MAST2: variants seen among roughly 807,000 people sequenced by gnomAD.
MAST2 encodes the protein microtubule-associated serine/threonine-protein kinase 2.
MAST2 carries 70 observed loss-of-function variants against 147.4 expected under a neutral mutation model. The observed-to-expected ratio is 0.47, with a 90% CI of 0.39 to 0.58. The LOEUF is 0.58. MAST2 is among the 20% of genes least tolerant of loss of function. MAST2 has a pLI of 0.00. For missense variants in MAST2, 2,080 were observed against 2,302.3 expected (o/e 0.90, Z 1.98); for synonymous variants, 869 against 896.8 (o/e 0.97, Z 0.55).
intron 3 of MAST2, among the ~76,000 whole-genome samples, chr1:45,859,560 G>C (rs1205054226): frequency 6.6e-6 from 1 of 152,236 alleles, no homozygotes; most frequent in Non-Finnish European, 1.5e-5. Context: ...GACACAACAT[G>C]AGAGGGAGAA....
chr1:45,811,067 T>C (rs1003838077), intron 1 of MAST2, among the ~76,000 whole-genome samples: 1 of 151,550 alleles, frequency 6.6e-6, no homozygotes, highest in Non-Finnish European at 1.5e-5. Flanking sequence ...GTCAGGCTGG[T>C]CTCAAACTCC....
chr1:46,004,433 A>C (rs1645402720), intron 7 of MAST2, among the ~76,000 whole-genome samples: 1 of 151,878 alleles, frequency 6.6e-6, no homozygotes, highest in African/African-American at 2.4e-5. Flanking sequence ...TTTAGAACCA[A>C]GGTAAGTCTC....
At chr1:45,897,997 T>G (rs1462814745) in intron 4 of MAST2, among the ~76,000 whole-genome samples, 1 of 151,968 alleles carries the variant, frequency 6.6e-6, no homozygotes, top group Non-Finnish European at 1.5e-5. Flanking sequence ...TAGTCCCAGC[T>G]ACTTGGCAAG....
intron 4 of MAST2, among the ~76,000 whole-genome samples, chr1:45,888,870 C>T (rs950747658): frequency 6.6e-5 from 10 of 150,570 alleles, no homozygotes; most frequent in African/African-American, 9.8e-5. Flanking sequence ...TTAGTAGAGA[C>T]GGGGTTTCAC....
In MAST2 at chr1:46,023,428, A is replaced by G; in HGVS notation, c.1571+110A>G. On this transcript the variant is annotated intron_variant, in intron 14 of 28. Coordinates refer to ENST00000361297, the MANE Select transcript of MAST2 (RefSeq NM_015112.3). The surrounding 1 kb of genome is among the most constrained non-coding windows in gnomAD (Gnocchi z 4.9). ...CCTCTGGGCAGATGCCTCGGGGTGG[A>G]CCTTCTCACTCCCAGAAGCCTCCTG... The G allele has an allele frequency of 1.0e-6, 1 of 983,906 alleles. No homozygotes were observed. The highest frequency in any genetic ancestry group is 1.6e-6 in the Non-Finnish European group (1 of 626,308). 60.9% of individuals were successfully genotyped at this position (983,906 alleles called of 1,614,324 possible).
chr1:45,811,541 A>G (rs568167546), intron 1 of MAST2, among the ~76,000 whole-genome samples: 80 of 129,320 alleles, frequency 6.2e-4, no homozygotes, highest in East Asian at 2.3e-3. Flanking sequence ...GGGTTTCACT[A>G]TGTTAGTCAG....
intron 7 of MAST2, 135 bp from the exon 8 acceptor site, chr1:46,006,106 A>G (rs761837639): frequency 1.1e-5 from 9 of 788,836 alleles, no homozygotes; most frequent in African/African-American, 1.7e-5. Flanking sequence ...GGCAAGGCTA[A>G]GGGAGTAGGG....
At chr1:45,934,311 C>T (rs1455819713) in intron 4 of MAST2, among the ~76,000 whole-genome samples, 2 of 152,124 alleles carry the variant, frequency 1.3e-5, no homozygotes, top group Non-Finnish European at 2.9e-5. Context: ...GGTGAAACCC[C>T]GTCTCTACTA....
chr1:45,920,543 A>G (rs2148639927), intron 4 of MAST2, among the ~76,000 whole-genome samples: 1 of 152,350 alleles, frequency 6.6e-6, no homozygotes, highest in Middle Eastern at 3.4e-3. Context: ...CTGATTCCCC[A>G]TAATGATGAG....
intron 4 of MAST2, among the ~76,000 whole-genome samples, chr1:45,904,277 G>A (rs1289941533): frequency 1.1e-4 from 16 of 151,614 alleles, no homozygotes; most frequent in African/African-American, 3.6e-4. Flanking sequence ...AGATTCAAGC[G>A]ATTCTCCTGC....
At chr1:45,827,650 A>G (rs1313610607) in intron 2 of MAST2, among the ~76,000 whole-genome samples, 1 of 133,486 alleles carries the variant, frequency 7.5e-6, no homozygotes, top group African/African-American at 2.8e-5. Context: ...CACCATCATC[A>G]TCATCATTAT....
At chr1:45,940,786 A>AT (rs1402311981) in intron 4 of MAST2, among the ~76,000 whole-genome samples, 3 of 151,824 alleles carry the variant, frequency 2.0e-5, no homozygotes, top group East Asian at 1.9e-4. Flanking sequence ...CGCCCTGCTA[A>AT]TTTTTTTGTA....
intron 5 of MAST2, among the ~76,000 whole-genome samples, chr1:45,984,431 T>C (rs1644533214): frequency 6.6e-6 from 1 of 151,758 alleles, no homozygotes; most frequent in East Asian, 1.9e-4. Flanking sequence ...GCCTCCCAAC[T>C]AAGTACGACC....
intron 3 of MAST2, among the ~76,000 whole-genome samples, chr1:45,852,712 C>A (rs903145635): frequency 2.0e-5 from 3 of 151,798 alleles, no homozygotes; most frequent in Admixed American, 6.6e-5. Flanking sequence ...TAGTATATAA[C>A]CTTTTGAGAT....
chr1:46,032,485 G>C, intron 25 of MAST2, 81 bp downstream of exon 25: 2 of 1,597,168 alleles, frequency 1.3e-6, no homozygotes, highest in South Asian at 2.2e-5. Context: ...ATCTGTCCCT[G>C]CTCGGGGGTC....
At chr1:45,954,034 C>T (rs1396910120) in intron 4 of MAST2, among the ~76,000 whole-genome samples, 1 of 152,084 alleles carries the variant, frequency 6.6e-6, no homozygotes, top group African/African-American at 2.4e-5. Flanking sequence ...CCACATTCTT[C>T]TTTATATTGT....
At chr1:46,027,017 A>C (rs879765505) in intron 16 of MAST2, among the ~76,000 whole-genome samples, 8 of 152,176 alleles carry the variant, frequency 5.3e-5, no homozygotes, top group Non-Finnish European at 8.8e-5. Context: ...CAGATAACCA[A>C]AATTATTGTT....
At chr1:45,906,842 A>T (rs1335687682) in intron 4 of MAST2, among the ~76,000 whole-genome samples, 1 of 152,064 alleles carries the variant, frequency 6.6e-6, no homozygotes, top group Admixed American at 6.6e-5. Flanking sequence ...AGTTCTAGTC[A>T]TGCAAACCCC....
intron 3 of MAST2, among the ~76,000 whole-genome samples, chr1:45,858,047 A>G (rs919101740): frequency 1.3e-5 from 2 of 151,868 alleles, no homozygotes; most frequent in Non-Finnish European, 2.9e-5. Flanking sequence ...AGTCTTTGCT[A>G]TTGTGAATAG....
Sources: gnomAD v4.1 joint callset for allele counts (sites outside exome capture counted in the v4.1 genomes callset) on GRCh38, gnomAD v4.1.1 for gene constraint, Gnocchi (gnomAD v3.1) non-coding constraint, MANE v1.5 for transcripts, NCBI Gene and HGNC (gene_info 2026-07-23, HGNC 2026-07-21) for gene names.